PKP4: variants seen among roughly 807,000 people sequenced by gnomAD.
PKP4 encodes the protein plakophilin 4.
PKP4 carries 90 observed loss-of-function variants against 145.1 expected under a neutral mutation model. The ratio of observed to expected loss-of-function variants is 0.62; its 90% CI spans 0.52 to 0.74. The LOEUF is 0.74. Among genes scored for constraint, PKP4 ranks in the 30% least tolerant of loss-of-function variants. The probability of loss-of-function intolerance (pLI) is 0.00; values close to 1 mark genes in which losing one functional copy is unlikely to be tolerated. For synonymous variants in PKP4, 563 were observed against 577.2 expected (o/e 0.98, Z 0.35); for missense variants, 1,340 against 1,482.7 (o/e 0.90, Z 1.58).
chr2:158,467,129 A>C (rs1690748837), intron 1 of PKP4, among the ~76,000 whole-genome samples: 1 of 152,226 alleles, frequency 6.6e-6, no homozygotes. Context: ...TAGTAGATAG[A>C]AATATTCTTA....
intron 1 of PKP4, among the ~76,000 whole-genome samples, chr2:158,497,677 G>C (rs900835741): frequency 1.3e-5 from 2 of 152,134 alleles, no homozygotes; most frequent in African/African-American, 4.8e-5. Context: ...ACTCAGTTGT[G>C]AAACAGCGAT....
rs78389721 is a variant in PKP4, at chr2:158,489,807, A to G, written c.-6+32589A>G. Among the ~76,000 whole-genome samples, 762 of 152,332 alleles carry G rather than the reference A, an allele frequency of 5.0e-3. 5 individuals carry two copies. Among genetic ancestry groups the G allele is most frequent in the African/African-American group, 0.018 (733 of 41,570 alleles). ...GACAAAAGTATACATTTTAAAAAAC[A>G]TAATTATGTCCAGCGAAACTCTCAC... On this transcript the variant is annotated intron_variant, in intron 1 of 21. Transcript: ENST00000389759.
intron 9 of PKP4, among the ~76,000 whole-genome samples, chr2:158,640,326 C>T (rs554189009): frequency 7.2e-5 from 11 of 152,268 alleles, no homozygotes; most frequent in African/African-American, 2.6e-4. Context: ...GGTAGAAAGA[C>T]ATAAAATTAG....
intron 11 of PKP4, among the ~76,000 whole-genome samples, chr2:158,643,645 G>A (rs2054518471): frequency 2.0e-5 from 1 of 50,656 alleles, no homozygotes; most frequent in African/African-American, 3.4e-5. Flanking sequence ...CCAGGAGGTT[G>A]AGGCTGCACA....
chr2:158,645,018 T>C lies in PKP4; in HGVS notation c.1909+2319T>C, dbSNP rs552191125. Reference sequence around the variant, plus strand: ...CTGTAACACTTGGGAATGAATAAACTATCCTGCATCCAATATTTAAGGGGA... The same window carrying C: ...CTGTAACACTTGGGAATGAATAAACCATCCTGCATCCAATATTTAAGGGGA... On this transcript the variant is annotated intron_variant, in intron 11 of 21. Coordinates refer to ENST00000389759, the MANE Select transcript of PKP4 (RefSeq NM_003628.6). 2.0e-5 allele frequency among the ~76,000 whole-genome samples: 3 copies of C among 152,220 alleles called. No homozygotes were observed. The South Asian group carries it at 6.2e-4, about 32-fold the overall frequency.
At chr2:158,478,612 C>G (rs1275354382) in intron 1 of PKP4, among the ~76,000 whole-genome samples, 2 of 152,172 alleles carry the variant, frequency 1.3e-5, no homozygotes, top group Non-Finnish European at 2.9e-5. Flanking sequence ...AACCTTAATT[C>G]ATTGTGATAA....
intron 1 of PKP4, among the ~76,000 whole-genome samples, chr2:158,487,459 C>CT (rs1397339173): frequency 6.6e-6 from 1 of 152,118 alleles, no homozygotes; most frequent in Non-Finnish European, 1.5e-5. Context: ...AGAATCCAAA[C>CT]TTTAATTTTC....
At chr2:158,641,463 G>A (rs936893484) in intron 10 of PKP4, among the ~76,000 whole-genome samples, 2 of 151,650 alleles carry the variant, frequency 1.3e-5, no homozygotes, top group Admixed American at 1.3e-4. Context: ...CATCACTAAG[G>A]CTGAACATAC....
rs190197679 is a variant in PKP4, at chr2:158,498,163, T to G, written c.-5-35017T>G. ...ACATTTTTATTTTTTGTTATTTTTATTTTTATTTTTTTGAGATGGGGTCTT... is the reference window on the plus strand; with the variant it reads ...ACATTTTTATTTTTTGTTATTTTTAGTTTTATTTTTTTGAGATGGGGTCTT... On this transcript the variant is annotated intron_variant, in intron 1 of 21. Coordinates refer to ENST00000389759, the MANE Select transcript of PKP4 (RefSeq NM_003628.6). Among the ~76,000 whole-genome samples, 21 of 152,326 alleles carry G rather than the reference T, an allele frequency of 1.4e-4. No homozygotes were observed. The East Asian group carries it at 3.9e-3, about 28-fold the overall frequency.
intron 1 of PKP4, among the ~76,000 whole-genome samples, chr2:158,467,549 CAAAAAA>C (rs70994208): frequency 7.8e-6 from 1 of 127,888 alleles, no homozygotes; most frequent in Non-Finnish European, 1.6e-5. Context: ...GAGACCTTGT[CAAAAAA>C]AAAAAAAAAT....
chr2:158,488,224 T>C (rs929207330), intron 1 of PKP4, among the ~76,000 whole-genome samples: 6 of 152,320 alleles, frequency 3.9e-5, no homozygotes, highest in African/African-American at 1.4e-4. Context: ...ATCTAGGTAG[T>C]GTATGAAAGT....
At chr2:158,575,104 G>A (rs955762305) in intron 2 of PKP4, among the ~76,000 whole-genome samples, 1 of 152,138 alleles carries the variant, frequency 6.6e-6, no homozygotes, top group Non-Finnish European at 1.5e-5. Context: ...TTCCAGGAAC[G>A]GTGTCCAAAT....
intron 12 of PKP4, 34 bp from the exon 13 acceptor site, chr2:158,661,299 A>T (rs2056557344): frequency 6.8e-7 from 1 of 1,477,434 alleles, no homozygotes; most frequent in Admixed American, 1.7e-5. Context: ...TGCATGGTTC[A>T]TCTCAGCAGC....
At chr2:158,567,291 G>A (rs539267703) in intron 2 of PKP4, among the ~76,000 whole-genome samples, 2 of 152,262 alleles carry the variant, frequency 1.3e-5, no homozygotes, top group African/African-American at 4.8e-5. Flanking sequence ...CAAGTGGATG[G>A]AACAAATGAG....
intron 3 of PKP4, among the ~76,000 whole-genome samples, chr2:158,592,096 C>G (rs1339756450): frequency 6.6e-6 from 1 of 152,086 alleles, no homozygotes; most frequent in Non-Finnish European, 1.5e-5. Flanking sequence ...CCCTGTCTCT[C>G]CATTATCATT....
chr2:158,468,338 T>G (rs1690982343), intron 1 of PKP4, among the ~76,000 whole-genome samples: 2 of 152,196 alleles, frequency 1.3e-5, no homozygotes, highest in Admixed American at 6.5e-5. Context: ...TTTGTTACTG[T>G]TTTACAAATA....
At chr2:158,549,575 G>A (rs921911756) in intron 2 of PKP4, among the ~76,000 whole-genome samples, 2 of 151,966 alleles carry the variant, frequency 1.3e-5, no homozygotes, top group Non-Finnish European at 2.9e-5. Context: ...CCTGCAGGTG[G>A]TTAGGTGCCA....
intron 2 of PKP4, among the ~76,000 whole-genome samples, chr2:158,542,109 C>T (rs1249383759): frequency 6.6e-6 from 1 of 152,104 alleles, no homozygotes; most frequent in Non-Finnish European, 1.5e-5. Flanking sequence ...AGTCAAGTAA[C>T]ACCGTTTTTC....
At chr2:158,667,482 GAGA>G (rs1356705756) in intron 16 of PKP4, among the ~76,000 whole-genome samples, 2 of 152,182 alleles carry the variant, frequency 1.3e-5, no homozygotes, top group Admixed American at 6.5e-5. Context: ...CAGGTCAGGG[GAGA>G]AGGAGGGGAA....
Sources: gnomAD v4.1 joint callset for allele counts (sites outside exome capture counted in the v4.1 genomes callset) on GRCh38, gnomAD v4.1.1 for gene constraint, MANE v1.5 for transcripts, NCBI Gene and HGNC (gene_info 2026-07-23, HGNC 2026-07-21) for gene names.